CAMKMT: variants seen among roughly 807,000 people sequenced by gnomAD.
CAMKMT encodes the protein CaM KMT.
A neutral mutation model predicts 48.0 loss-of-function variants in CAMKMT; 53 were observed. The ratio of observed to expected loss-of-function variants is 1.10; its 90% CI spans 0.89 to 1.39. The LOEUF (loss-of-function observed/expected upper bound fraction) is 1.39. Among genes scored for constraint, CAMKMT ranks in the 40% most tolerant of loss-of-function variants. CAMKMT has a pLI of 0.00. For synonymous variants in CAMKMT, 165 were observed against 152.3 expected (o/e 1.08, Z -0.61); for missense variants, 428 against 402.7 (o/e 1.06, Z -0.54).
At chr2:44,582,103 A>G (rs1254090010) in intron 3 of CAMKMT, among the ~76,000 whole-genome samples, 1 of 152,242 alleles carries the variant, frequency 6.6e-6, no homozygotes, top group Admixed American at 6.5e-5. Context: ...CTTGTACTTT[A>G]GGATCATTCT....
At chr2:44,452,279 A>T (rs1267577221) in intron 3 of CAMKMT, among the ~76,000 whole-genome samples, 1 of 151,984 alleles carries the variant, frequency 6.6e-6, no homozygotes, top group Non-Finnish European at 1.5e-5. Flanking sequence ...GGACTTTGGA[A>T]TGGGAAAAGT....
intron 3 of CAMKMT, among the ~76,000 whole-genome samples, chr2:44,416,742 T>G (rs1372128176): frequency 1.3e-5 from 2 of 151,574 alleles, no homozygotes; most frequent in African/African-American, 4.8e-5. Flanking sequence ...ACCCGGCTAA[T>G]TTTTGTATTT....
intron 3 of CAMKMT, among the ~76,000 whole-genome samples, chr2:44,687,509 C>T (rs1042243148): frequency 7.9e-5 from 12 of 152,202 alleles, no homozygotes; most frequent in African/African-American, 2.9e-4. Flanking sequence ...AGTCAATTTG[C>T]TCCCTTCACT....
At chr2:44,723,338 G>A (rs1009644855) in intron 7 of CAMKMT, among the ~76,000 whole-genome samples, 1 of 152,048 alleles carries the variant, frequency 6.6e-6, no homozygotes, top group African/African-American at 2.4e-5. Context: ...CATGCCTGTA[G>A]TCCCAGCACT....
intron 3 of CAMKMT, among the ~76,000 whole-genome samples, chr2:44,440,395 GTAAAT>G (rs1274446311): frequency 6.6e-6 from 1 of 152,130 alleles, no homozygotes; most frequent in Non-Finnish European, 1.5e-5. Context: ...CACCATGCTA[GTAAAT>G]ACTAGTAAAT....
At chr2:44,371,928 G>A (rs957260017) in intron 1 of CAMKMT, among the ~76,000 whole-genome samples, 2 of 152,046 alleles carry the variant, frequency 1.3e-5, no homozygotes, top group Non-Finnish European at 2.9e-5. Flanking sequence ...ATTATTGGTT[G>A]ATATGCCCCA....
intron 3 of CAMKMT, among the ~76,000 whole-genome samples, chr2:44,553,422 G>T (rs936532640): frequency 6.6e-6 from 1 of 150,498 alleles, no homozygotes; most frequent in African/African-American, 2.5e-5. Flanking sequence ...GTGCAGTAGC[G>T]CAATCTTGGC....
chr2:44,577,857 G>T (rs1399216908), intron 3 of CAMKMT, among the ~76,000 whole-genome samples: 1 of 152,142 alleles, frequency 6.6e-6, no homozygotes, highest in Non-Finnish European at 1.5e-5. Context: ...TCTTCTACTA[G>T]TTTTACACCC....
At chr2:44,517,865 A>G (rs1037551073) in intron 3 of CAMKMT, among the ~76,000 whole-genome samples, 1 of 152,220 alleles carries the variant, frequency 6.6e-6, no homozygotes, top group African/African-American at 2.4e-5. Context: ...TTTGACATTT[A>G]GCAGTTTAAT....
At chr2:44,668,062 T>C (rs941707890) in intron 3 of CAMKMT, among the ~76,000 whole-genome samples, 2 of 152,344 alleles carry the variant, frequency 1.3e-5, no homozygotes, top group Admixed American at 1.3e-4. Flanking sequence ...GTTTGAATAA[T>C]GACCACAGAT....
At chr2:44,659,733 T>C (rs1435139653) in intron 3 of CAMKMT, among the ~76,000 whole-genome samples, 1 of 152,170 alleles carries the variant, frequency 6.6e-6, no homozygotes, top group African/African-American at 2.4e-5. Context: ...ATTAGATCTT[T>C]ACTGTATCAC....
chr2:44,362,791 G>A (rs1325668705), intron 1 of CAMKMT, among the ~76,000 whole-genome samples: 1 of 152,176 alleles, frequency 6.6e-6, no homozygotes, highest in Non-Finnish European at 1.5e-5. Context: ...TTTGAATGAT[G>A]GTATCTTCTG....
At chr2:44,641,396 G>A (rs750587733) in intron 3 of CAMKMT, among the ~76,000 whole-genome samples, 18 of 152,150 alleles carry the variant, frequency 1.2e-4, no homozygotes, top group Admixed American at 2.6e-4. Context: ...CTATGTATTA[G>A]GAACAGCAGT....
Position 44,570,859 on chromosome 2 carries a change from T to C in CAMKMT, c.377-133424T>C, listed in dbSNP as rs576064689. Among the ~76,000 whole-genome samples, 10 of 152,300 alleles carry C rather than the reference T, an allele frequency of 6.6e-5. No individual in the cohort carries two copies. In the East Asian group the frequency reaches 1.9e-3, roughly 29 times the overall value. ...CATGTTTTAAGAAGATCATTGGGGA[T>C]TGGTAGTATTTCAGGTTATTGTTAC... On this transcript the variant is annotated intron_variant, in intron 3 of 10. Transcript: ENST00000378494.
At chr2:44,734,123 C>T (rs570534032) in intron 7 of CAMKMT, among the ~76,000 whole-genome samples, 1 of 149,744 alleles carries the variant, frequency 6.7e-6, no homozygotes, top group Admixed American at 6.7e-5. Flanking sequence ...TTAACTTACT[C>T]TTCTTTTTCT....
chr2:44,649,735 T>G (rs557600715), intron 3 of CAMKMT, among the ~76,000 whole-genome samples: 2 of 152,218 alleles, frequency 1.3e-5, no homozygotes, highest in Non-Finnish European at 2.9e-5. Context: ...GTTAGAGATG[T>G]GATAGAACAA....
intron 3 of CAMKMT, among the ~76,000 whole-genome samples, chr2:44,645,090 TACAA>T (rs762332505): frequency 4.8e-4 from 73 of 152,226 alleles, no homozygotes; most frequent in Non-Finnish European, 8.4e-4. Flanking sequence ...CTAGTAGGAG[TACAA>T]ACAGATAACC....
chr2:44,709,016 A>G (rs754830499), intron 6 of CAMKMT, among the ~76,000 whole-genome samples: 2 of 152,200 alleles, frequency 1.3e-5, no homozygotes, highest in Admixed American at 6.6e-5. Context: ...TAAAATTATT[A>G]TTGAGCTAAA....
At chr2:44,502,867 C>A (rs1290280287) in intron 3 of CAMKMT, among the ~76,000 whole-genome samples, 1 of 151,912 alleles carries the variant, frequency 6.6e-6, no homozygotes, top group Non-Finnish European at 1.5e-5. Context: ...AAGGAAAATA[C>A]TATGTATTAA....
Sources: gnomAD v4.1 joint callset for allele counts (sites outside exome capture counted in the v4.1 genomes callset) on GRCh38, gnomAD v4.1.1 for gene constraint, MANE v1.5 for transcripts, NCBI Gene and HGNC (gene_info 2026-07-23, HGNC 2026-07-21) for gene names.